PHACTR1: variants seen among roughly 807,000 people sequenced by gnomAD.
The protein encoded by PHACTR1 is RPEL repeat containing 1.
In PHACTR1, 16 loss-of-function variants were observed where a neutral mutation model predicts 69.2. The observed-to-expected ratio is 0.23, with a 90% CI of 0.16 to 0.35. The LOEUF is 0.35. Ranked by LOEUF, PHACTR1 falls within the 10% of genes least tolerant of loss-of-function variation. The pLI is 1.00. For missense variants in PHACTR1, 510 were observed against 734.7 expected (o/e 0.69, Z 3.54); for synonymous variants, 312 against 284.5 (o/e 1.10, Z -0.97).
chr6:12,797,839 T>A (rs545580664), intron 4 of PHACTR1, among the ~76,000 whole-genome samples: 1 of 152,286 alleles, frequency 6.6e-6, no homozygotes, highest in African/African-American at 2.4e-5. Context: ...GAGTTGGAGT[T>A]GCTTCTTTCT....
intron 4 of PHACTR1, among the ~76,000 whole-genome samples, chr6:13,033,178 A>T (rs1458387445): frequency 6.6e-6 from 1 of 152,220 alleles, no homozygotes; most frequent in Admixed American, 6.5e-5. Flanking sequence ...ATTACACAAA[A>T]TTGCCTTTAA....
chr6:12,749,407 G>T (rs753213916), intron 3 of PHACTR1: 2 of 591,316 alleles, frequency 3.4e-6, no homozygotes, highest in East Asian at 3.7e-5. Flanking sequence ...CTCTGCTCCA[G>T]TCCACAGATC....
Position 12,846,737 on chromosome 6 carries a change from T to G in PHACTR1, c.250+96947T>G, listed in dbSNP as rs527865708. Reference sequence around the variant, plus strand: ...ATGCTTCTTTCGTCCTTTTTTTTTTTTGTGGCCTTAGGAGATTTGTGGTAA... The same window carrying G: ...ATGCTTCTTTCGTCCTTTTTTTTTTGTGTGGCCTTAGGAGATTTGTGGTAA... On this transcript the variant is annotated intron_variant, in intron 4 of 14. Transcript: ENST00000332995. 5.9e-5 allele frequency among the ~76,000 whole-genome samples: 9 copies of G among 152,230 alleles called. 1 individual carries two copies. The highest frequency in any genetic ancestry group is 1.9e-4 in the African/African-American group (8 of 41,548).
chr6:12,851,330 G>A (rs373564053), intron 4 of PHACTR1, among the ~76,000 whole-genome samples: 1 of 152,170 alleles, frequency 6.6e-6, no homozygotes, highest in Non-Finnish European at 1.5e-5. Context: ...AACAATCTGG[G>A]ACATTAATAA....
chr6:12,843,832 C>T (rs143064667), intron 4 of PHACTR1, among the ~76,000 whole-genome samples: 1 of 152,294 alleles, frequency 6.6e-6, no homozygotes, highest in African/African-American at 2.4e-5. Flanking sequence ...TCACTGAAAA[C>T]AGGTCAAGTC....
chr6:12,916,191 CA>C (rs1786972225), intron 4 of PHACTR1, among the ~76,000 whole-genome samples: 1 of 152,130 alleles, frequency 6.6e-6, no homozygotes, highest in South Asian at 2.1e-4. Flanking sequence ...TTCCCTTTTC[CA>C]AACTCCTCAT....
At chr6:12,924,512 C>T (rs9369652) in intron 4 of PHACTR1, among the ~76,000 whole-genome samples, 78,634 of 151,976 alleles carry the variant, frequency 0.52, 23,306 homozygotes, top group East Asian at 0.91. Flanking sequence ...CGGTGGCTCA[C>T]GCCTGTAATC....
chr6:12,886,779 T>C (rs1248439776), intron 4 of PHACTR1, among the ~76,000 whole-genome samples: 1 of 152,034 alleles, frequency 6.6e-6, no homozygotes, highest in Non-Finnish European at 1.5e-5. Flanking sequence ...TTGTGTCTGA[T>C]ACTTCCTTTC....
At chr6:13,071,323 G>A (rs1286375428) in intron 5 of PHACTR1, among the ~76,000 whole-genome samples, 1 of 152,128 alleles carries the variant, frequency 6.6e-6, no homozygotes, top group Non-Finnish European at 1.5e-5. Flanking sequence ...AGCTACATGG[G>A]AGGCTGAGGC....
intron 4 of PHACTR1, among the ~76,000 whole-genome samples, chr6:13,001,681 T>A (rs962089680): frequency 6.6e-6 from 1 of 152,230 alleles, no homozygotes; most frequent in African/African-American, 2.4e-5. Context: ...GAAAGTGACA[T>A]CCAATAAATA....
rs139074067 is a variant in PHACTR1 at position 13,140,892 on chromosome 6, ATCTT to A, written c.416-19311_416-19308del. Among the ~76,000 whole-genome samples the A allele has an allele frequency of 3.3e-3, 504 of 152,294 alleles. 6 individuals are homozygous for A. The highest frequency in any genetic ancestry group is 0.011 in the African/African-American group (472 of 41,552). On this transcript the variant is annotated intron_variant, in intron 5 of 14. Transcript: ENST00000332995. ...CAGACAAACTTTCTATTTAGCCTCTATCTTCATGGTTTCACAGAAATTAATTTAT... is the reference window on the plus strand; with the variant it reads ...CAGACAAACTTTCTATTTAGCCTCTACATGGTTTCACAGAAATTAATTTAT...
chr6:13,207,229 C>T (rs916889110), intron 8 of PHACTR1, among the ~76,000 whole-genome samples: 1 of 152,000 alleles, frequency 6.6e-6, no homozygotes, highest in Admixed American at 6.6e-5. Context: ...CTTTTTAATT[C>T]TGTGTATATT....
intron 6 of PHACTR1, among the ~76,000 whole-genome samples, chr6:13,175,469 T>C (rs144238723): frequency 3.0e-3 from 450 of 152,304 alleles, no homozygotes; most frequent in Non-Finnish European, 5.2e-3. Flanking sequence ...AACAGGGCTC[T>C]CCCTGTGCTC....
intron 5 of PHACTR1, among the ~76,000 whole-genome samples, chr6:13,065,164 G>A (rs1436557029): frequency 3.9e-5 from 6 of 152,098 alleles, no homozygotes; most frequent in African/African-American, 1.4e-4. Flanking sequence ...GGTCAGGAGA[G>A]GTCTAAGAAA....
At chr6:12,850,516 T>C (rs1779727306) in intron 4 of PHACTR1, among the ~76,000 whole-genome samples, 1 of 152,256 alleles carries the variant, frequency 6.6e-6, no homozygotes, top group Admixed American at 6.5e-5. Context: ...AATCACTCTT[T>C]CCCAGTTGGG....
intron 5 of PHACTR1, among the ~76,000 whole-genome samples, chr6:13,117,206 TAA>T (rs1465993397): frequency 1.3e-5 from 2 of 152,224 alleles, no homozygotes; most frequent in African/African-American, 2.4e-5. Flanking sequence ...TCCTTTAAAT[TAA>T]AAGTCACTGG....
At chr6:13,005,042 A>G (rs1173759442) in intron 4 of PHACTR1, among the ~76,000 whole-genome samples, 1 of 151,768 alleles carries the variant, frequency 6.6e-6, no homozygotes, top group Non-Finnish European at 1.5e-5. Flanking sequence ...TTATTAATAA[A>G]AAGCCCAGCA....
intron 4 of PHACTR1, among the ~76,000 whole-genome samples, chr6:12,853,335 A>T (rs1225250871): frequency 6.6e-6 from 1 of 152,122 alleles, no homozygotes. Context: ...CCAACGAAAC[A>T]CCTAGACAGG....
intron 4 of PHACTR1, among the ~76,000 whole-genome samples, chr6:12,876,750 A>C (rs1782560723): frequency 6.6e-6 from 1 of 152,212 alleles, no homozygotes; most frequent in Non-Finnish European, 1.5e-5. Flanking sequence ...AGATATAGAT[A>C]TAGATTAGAT....
Sources: allele counts gnomAD v4.1 joint callset (sites outside exome capture counted in the v4.1 genomes callset), GRCh38; gene constraint gnomAD v4.1.1; transcripts MANE v1.5; gene names NCBI Gene and HGNC (gene_info 2026-07-23, HGNC 2026-07-21).